AP3D1: variants seen among roughly 807,000 people sequenced by gnomAD.
AP3D1 encodes the protein adaptor related protein complex 3 subunit delta 1, also known as AP-3 complex subunit delta-1.
A neutral mutation model predicts 147.6 loss-of-function variants in AP3D1; 51 were observed. That is an observed-to-expected ratio of 0.35 (90% CI 0.28 to 0.44). The LOEUF (loss-of-function observed/expected upper bound fraction) is 0.44. AP3D1 is among the 20% of genes least tolerant of loss of function. The pLI, the probability that AP3D1 is intolerant of heterozygous loss-of-function variation, is 1.00. For synonymous variants in AP3D1, 760 were observed against 663.0 expected (o/e 1.15, Z -2.25); for missense variants, 1,421 against 1,624.2 (o/e 0.87, Z 2.15).
intron 31 of AP3D1, among the ~76,000 whole-genome samples, chr19:2,105,482 A>G (rs893484445): frequency 3.3e-5 from 5 of 152,182 alleles, no homozygotes; most frequent in African/African-American, 9.7e-5. Flanking sequence ...AACTAGCCCA[A>G]CCTATTCCTT....
At chr19:2,162,196 C>T (rs1368926434) in intron 1 of AP3D1, among the ~76,000 whole-genome samples, 1 of 150,858 alleles carries the variant, frequency 6.6e-6, no homozygotes, top group East Asian at 2.0e-4. Flanking sequence ...GTCACCACGC[C>T]CGGCTAATTT....
intron 29 of AP3D1, chr19:2,109,516 G>A (rs1375904228): frequency 6.8e-5 from 33 of 483,868 alleles, no homozygotes; most frequent in African/African-American, 2.9e-4. Context: ...ATGCAGGCAC[G>A]CAGAGGACGG....
intron 8 of AP3D1, among the ~76,000 whole-genome samples, chr19:2,127,806 C>T (rs1051179110): frequency 5.9e-5 from 9 of 152,340 alleles, no homozygotes; most frequent in Admixed American, 2.0e-4. Context: ...GGATCACAGG[C>T]GTGAGCCACA....
At position 2,115,430 on chromosome 19, in the gene AP3D1, C is replaced by G; in HGVS notation, c.2150-12G>C. On this transcript the variant is annotated splice_polypyrimidine_tract_variant and intron_variant, in intron 19 of 31. Transcript: ENST00000643116. ...TGACATAGGCAGCCCTGCGGGCCGG[C>G]AGCGGGCAGCCACTCAGCACTGCAC... 1 of 1,607,502 alleles carries G rather than the reference C, an allele frequency of 6.2e-7. No homozygotes were observed. The highest frequency in any genetic ancestry group is 8.5e-7 in the Non-Finnish European group (1 of 1,179,466).
At chr19:2,151,093 G>A (rs898017484) in intron 1 of AP3D1, 146 bp downstream of exon 1, 2 of 710,160 alleles carry the variant, frequency 2.8e-6, no homozygotes, top group African/African-American at 3.8e-5. Flanking sequence ...CCAGGCCCAG[G>A]CCAGGCAGGG....
upstream of AP3D1, among the ~76,000 whole-genome samples, chr19:2,154,286 CTTT>C (rs35367011): frequency 1.4e-5 from 2 of 138,230 alleles, no homozygotes; most frequent in Non-Finnish European, 1.6e-5. Context: ...TTTTTTTTTT[CTTT>C]TTTTTTTTTT....
chr19:2,151,044 G>A (rs546419415), intron 1 of AP3D1, among the ~76,000 whole-genome samples, 195 bp downstream of exon 1: 43 of 152,376 alleles, frequency 2.8e-4, no homozygotes, highest in African/African-American at 1.0e-3. Flanking sequence ...CCCCTCGTGG[G>A]GAAACTGATG....
chr19:2,139,806 T>G (rs1252141123), intron 1 of AP3D1, among the ~76,000 whole-genome samples: 1 of 152,128 alleles, frequency 6.6e-6, no homozygotes, highest in Non-Finnish European at 1.5e-5. Flanking sequence ...GAGGCAAGGA[T>G]GGCAAGCCCA....
chr19:2,160,021 G>T (rs2019683234), intron 1 of AP3D1, among the ~76,000 whole-genome samples: 1 of 149,092 alleles, frequency 6.7e-6, no homozygotes, highest in Non-Finnish European at 1.5e-5. Context: ...TGGCCATTTT[G>T]TATTTTTTTA....
At position 2,113,421 on chromosome 19, in the gene AP3D1, C is replaced by T; in HGVS notation, c.2602-8G>A. On this transcript the variant is annotated splice_region_variant and splice_polypyrimidine_tract_variant and intron_variant, in intron 22 of 31. Coordinates refer to ENST00000643116, the MANE Select transcript of AP3D1 (RefSeq NM_001261826.3). Reference sequence around the variant, plus strand: ...GAAGTCCAGGTCCTCAGCCTGAAACCACAAGACAGGCTGTCAGCAAACGCA... The same window carrying T: ...GAAGTCCAGGTCCTCAGCCTGAAACTACAAGACAGGCTGTCAGCAAACGCA... The T allele has an allele frequency of 2.1e-6, 3 of 1,459,430 alleles. No homozygotes were observed. The African/African-American group carries it at 4.3e-5, about 21-fold the overall frequency. 90.4% of individuals were successfully genotyped at this position (1,459,430 alleles called of 1,614,324 possible).
intron 10 of AP3D1, among the ~76,000 whole-genome samples, 193 bp from the exon 11 acceptor site, chr19:2,123,599 C>T (rs950642804): frequency 3.9e-5 from 6 of 152,122 alleles, no homozygotes; most frequent in African/African-American, 7.2e-5. Flanking sequence ...TTCCCACGGG[C>T]GCTCTCCCCC....
chr19:2,164,514 C>A (rs913388861), upstream of AP3D1: 2 of 302,428 alleles, frequency 6.6e-6, no homozygotes, highest in Non-Finnish European at 6.1e-6. Flanking sequence ...ACCGCGGTGC[C>A]GTTGCCCCCG....
chr19:2,164,245 C>T, intron 1 of AP3D1: 1 of 1,286,918 alleles, frequency 7.8e-7, no homozygotes, highest in Non-Finnish European at 9.9e-7. Context: ...CGCCGTCTAC[C>T]CGTGGCCGCT....
chr19:2,161,315 C>A (rs1020303716), intron 1 of AP3D1, among the ~76,000 whole-genome samples: 1 of 151,894 alleles, frequency 6.6e-6, no homozygotes, highest in Non-Finnish European at 1.5e-5. Context: ...GTGCCTGCCA[C>A]CATGCCTGGC....
chr19:2,125,258 A>G (rs1352873034), intron 9 of AP3D1, among the ~76,000 whole-genome samples: 1 of 152,226 alleles, frequency 6.6e-6, no homozygotes, highest in Non-Finnish European at 1.5e-5. Context: ...ATATTCACGC[A>G]TGCAAGATTT....
chr19:2,157,231 A>C (rs1018219393), intron 1 of AP3D1, among the ~76,000 whole-genome samples: 6 of 151,498 alleles, frequency 4.0e-5, no homozygotes, highest in African/African-American at 1.5e-4. Flanking sequence ...TCACGAGGTC[A>C]GGAGATCGAG....
At chr19:2,150,947 G>A (rs189916715) in intron 1 of AP3D1, among the ~76,000 whole-genome samples, 14 of 152,370 alleles carry the variant, frequency 9.2e-5, no homozygotes, top group Non-Finnish European at 1.5e-4. Flanking sequence ...CCTATAGGCG[G>A]GGCCCAGGGC....
chr19:2,106,358 G>A (rs1181196379), intron 31 of AP3D1, among the ~76,000 whole-genome samples: 3 of 152,028 alleles, frequency 2.0e-5, no homozygotes, highest in Admixed American at 6.6e-5. Context: ...ACATCAGTCT[G>A]GCCAACCTGG....
intron 17 of AP3D1, 78 bp downstream of exon 17, chr19:2,116,527 G>A: frequency 2.1e-6 from 3 of 1,458,798 alleles, no homozygotes; most frequent in South Asian, 2.8e-5. Context: ...GACCCACAGA[G>A]GCCGCTGACC....
Sources: allele counts gnomAD v4.1 joint callset (sites outside exome capture counted in the v4.1 genomes callset), GRCh38; gene constraint gnomAD v4.1.1; transcripts MANE v1.5; gene names NCBI Gene and HGNC (gene_info 2026-07-23, HGNC 2026-07-21).